The following FAT3 variants were observed in gnomAD, a reference collection of about 807,000 sequenced individuals.
FAT3 encodes FAT atypical cadherin 3.
In FAT3, 95 loss-of-function variants were observed where a neutral mutation model predicts 310.2. That is an observed-to-expected ratio of 0.31 (90% CI 0.26 to 0.36). The LOEUF (loss-of-function observed/expected upper bound fraction) is 0.36, where lower values mean the gene tolerates loss of function less well. Among genes scored for constraint, FAT3 ranks in the 10% least tolerant of loss-of-function variants. The probability of loss-of-function intolerance (pLI) is 1.00; values close to 1 mark genes in which losing one functional copy is unlikely to be tolerated. For missense variants in FAT3, 5,408 were observed against 5,715.6 expected (o/e 0.95, Z 1.74); for synonymous variants, 2,314 against 2,192.9 (o/e 1.06, Z -1.54).
intron 3 of FAT3, among the ~76,000 whole-genome samples, chr11:92,684,738 C>G (rs1362687477): frequency 6.6e-6 from 1 of 152,144 alleles, no homozygotes; most frequent in Non-Finnish European, 1.5e-5. Flanking sequence ...CTGCCTCTCC[C>G]CACACCCCCA....
Position 92,800,503 on chromosome 11 carries a change from C to T in FAT3, c.7490C>T (p.Ser2497Leu). The T allele has an allele frequency of 6.2e-7, 1 of 1,613,948 alleles. No individual in the cohort carries two copies. Residue 2497 changes from serine to leucine, a missense_variant, in exon 10 of 28, where the codon TCA becomes TTA. Transcript: ENST00000525166. ...GCTAACTTGTACAGCCCTGCCTTTT[C>T]ACAAAGCACATACGTAGCTGAGGTG... Reference protein sequence around the residue: ...LGANLYSPAFSQSTYVAEVRE... With the variant: ...LGANLYSPAFLQSTYVAEVRE...
chr11:92,271,351 A>G (rs796184212), intron 1 of FAT3, among the ~76,000 whole-genome samples: 6 of 151,812 alleles, frequency 4.0e-5, no homozygotes, highest in African/African-American at 1.4e-4. Flanking sequence ...CTTGTCCTTC[A>G]TGTCTTCCCT....
chr11:92,689,356 G>T (rs562187123), intron 3 of FAT3, among the ~76,000 whole-genome samples: 1 of 152,252 alleles, frequency 6.6e-6, no homozygotes, highest in East Asian at 1.9e-4. Flanking sequence ...GGCAGAAAGG[G>T]AAAGGGGGAG....
intron 4 of FAT3, among the ~76,000 whole-genome samples, chr11:92,734,121 A>G (rs145198971): frequency 1.3e-5 from 2 of 152,288 alleles, no homozygotes; most frequent in East Asian, 3.9e-4. Context: ...GTTTTAATTC[A>G]GAGGAGTACA....
At chr11:92,632,738 C>T (rs1195204311) in intron 3 of FAT3, among the ~76,000 whole-genome samples, 1 of 152,170 alleles carries the variant, frequency 6.6e-6, no homozygotes. Flanking sequence ...TGGCAGGAGG[C>T]AGAGAGGCAT....
At chr11:92,486,538 A>G (rs1249482645) in intron 2 of FAT3, among the ~76,000 whole-genome samples, 1 of 152,084 alleles carries the variant, frequency 6.6e-6, no homozygotes, top group Non-Finnish European at 1.5e-5. Context: ...TTTGTGTCAG[A>G]TACTGTAATT....
At chr11:92,394,886 A>G (rs924072386) in intron 2 of FAT3, among the ~76,000 whole-genome samples, 18 of 152,178 alleles carry the variant, frequency 1.2e-4, no homozygotes, top group Non-Finnish European at 2.2e-4. Flanking sequence ...CTTTTCCTAC[A>G]CTGCCTAACT....
At chr11:92,514,734 T>C (rs1953419538) in intron 2 of FAT3, among the ~76,000 whole-genome samples, 1 of 152,168 alleles carries the variant, frequency 6.6e-6, no homozygotes, top group African/African-American at 2.4e-5. Flanking sequence ...ATTCTTAGAC[T>C]GGAGAAGAAA....
chr11:92,708,115 C>T (rs567370316), intron 4 of FAT3, among the ~76,000 whole-genome samples: 7 of 152,274 alleles, frequency 4.6e-5, no homozygotes, highest in South Asian at 4.1e-4. Flanking sequence ...GGATGTAGAA[C>T]ATTGTCATGA....
chr11:92,409,950 G>C (rs1288347516), intron 2 of FAT3, among the ~76,000 whole-genome samples: 7 of 152,110 alleles, frequency 4.6e-5, no homozygotes, highest in Non-Finnish European at 1.5e-5. Flanking sequence ...GTCCTGATGT[G>C]TTGGGTTTTT....
chr11:92,349,321 C>T (rs1948499973), intron 1 of FAT3, among the ~76,000 whole-genome samples: 1 of 152,116 alleles, frequency 6.6e-6, no homozygotes, highest in Admixed American at 6.6e-5. Context: ...CCACAGTGAG[C>T]CTAAAAATGT....
chr11:92,647,199 A>G (rs1042824470), intron 3 of FAT3, among the ~76,000 whole-genome samples: 2 of 152,128 alleles, frequency 1.3e-5, no homozygotes, highest in African/African-American at 4.8e-5. Flanking sequence ...GTTTGCTTTA[A>G]TCTCTCTCAA....
intron 19 of FAT3, among the ~76,000 whole-genome samples, chr11:92,849,651 G>A (rs541856280): frequency 7.2e-5 from 11 of 152,328 alleles, no homozygotes; most frequent in Admixed American, 4.6e-4. Context: ...ATAAAGGAGG[G>A]AGTTATCAGC....
At chr11:92,557,246 A>G (rs182015273) in intron 3 of FAT3, among the ~76,000 whole-genome samples, 1 of 151,972 alleles carries the variant, frequency 6.6e-6, no homozygotes. Flanking sequence ...GCTGCTTATT[A>G]CCTTCACGGT....
chr11:92,606,888 A>G (rs575252934), intron 3 of FAT3, among the ~76,000 whole-genome samples: 1 of 152,292 alleles, frequency 6.6e-6, no homozygotes, highest in East Asian at 1.9e-4. Flanking sequence ...CTGACCCACT[A>G]TGGGTCCCCT....
intron 1 of FAT3, among the ~76,000 whole-genome samples, chr11:92,283,815 C>T (rs900801191): frequency 2.0e-5 from 3 of 152,042 alleles, no homozygotes; most frequent in East Asian, 1.9e-4. Context: ...TGTGTTAGTG[C>T]ACCTTGAGAT....
At chr11:92,849,203 A>C (rs1313446256) in intron 19 of FAT3, among the ~76,000 whole-genome samples, 1 of 152,124 alleles carries the variant, frequency 6.6e-6, no homozygotes, top group Non-Finnish European at 1.5e-5. Context: ...TTCATCCTTG[A>C]CTCTCTTATT....
At chr11:92,497,174 C>T (rs1952793064) in intron 2 of FAT3, among the ~76,000 whole-genome samples, 1 of 151,942 alleles carries the variant, frequency 6.6e-6, no homozygotes, top group Admixed American at 6.6e-5. Flanking sequence ...AATTTAGTGC[C>T]CAGCTAGTGT....
chr11:92,466,722 TC>T (rs1259363592), intron 2 of FAT3, among the ~76,000 whole-genome samples: 1 of 111,914 alleles, frequency 8.9e-6, no homozygotes, highest in Admixed American at 9.7e-5. Context: ...CCTAATGCTA[TC>T]CCTCCCCCCT....
Sources: allele counts gnomAD v4.1 joint callset (sites outside exome capture counted in the v4.1 genomes callset), GRCh38; gene constraint gnomAD v4.1.1; transcripts MANE v1.5; gene names NCBI Gene and HGNC (gene_info 2026-07-23, HGNC 2026-07-21).